The following USP31 variants were observed in gnomAD, a reference collection of about 807,000 sequenced individuals.
USP31 encodes the protein ubiquitin carboxyl-terminal hydrolase 31.
A neutral mutation model predicts 119.4 loss-of-function variants in USP31; 44 were observed. The observed-to-expected ratio is 0.37, with a 90% CI of 0.29 to 0.47. The LOEUF (loss-of-function observed/expected upper bound fraction) is 0.47. Among genes scored for constraint, USP31 ranks in the 20% least tolerant of loss-of-function variants. The pLI is 0.99. For missense variants in USP31, 1,643 were observed against 1,730.2 expected, an observed-to-expected ratio of 0.95 and a Z score of 0.89; for synonymous variants, 749 against 705.6, an observed-to-expected ratio of 1.06 and a Z score of -0.97.
chr16:23,085,750 T>G (rs967291679), intron 9 of USP31, 88 bp from the exon 10 acceptor site: 1 of 1,167,776 alleles, frequency 8.6e-7, no homozygotes. Context: ...CTACCCAAAA[T>G]CATAATTTCA....
intron 1 of USP31, among the ~76,000 whole-genome samples, chr16:23,129,548 G>T (rs567464321): frequency 6.6e-6 from 1 of 152,146 alleles, no homozygotes; most frequent in Non-Finnish European, 1.5e-5. Context: ...AAAGGCAAAG[G>T]TTATACAGAT....
At chr16:23,094,336 C>G (rs1265544315) in intron 6 of USP31, among the ~76,000 whole-genome samples, 6 of 152,322 alleles carry the variant, frequency 3.9e-5, no homozygotes, top group Admixed American at 1.3e-4. Context: ...GTAAACAAAG[C>G]AGCCAGGAAG....
At chr16:23,095,051 C>G (rs1048645975) in intron 6 of USP31, among the ~76,000 whole-genome samples, 23 of 151,924 alleles carry the variant, frequency 1.5e-4, no homozygotes, top group African/African-American at 5.6e-4. Context: ...GTTCTCTGAG[C>G]TAAAGGAGCA....
rs1900043356 is a variant in USP31, at chr16:23,065,817, AAAG to A, written c.*2226_*2228del. The A allele has an allele frequency of 2.6e-5, 4 of 152,228 alleles. No homozygotes were observed. Among genetic ancestry groups the A allele is most frequent in the Admixed American group, 6.5e-5 (1 of 15,280 alleles). 9.4% of individuals were successfully genotyped at this position (152,228 alleles called of 1,614,324 possible). A position where few individuals can be genotyped will look rare whatever the true frequency, so the allele number is the denominator to read the frequency against. On this transcript the variant is annotated 3_prime_UTR_variant, in exon 16 of 16. Transcript: ENST00000219689. Reference sequence around the variant, plus strand: ...TCTATTAATGCTTGACTACAGCAAAAAAGAAGTGTTATTAAAAACCTTTGTCTA... The same window carrying A: ...TCTATTAATGCTTGACTACAGCAAAAAAGTGTTATTAAAAACCTTTGTCTA...
At chr16:23,085,311 A>C (rs1188969789) in intron 10 of USP31, among the ~76,000 whole-genome samples, 3 of 152,212 alleles carry the variant, frequency 2.0e-5, no homozygotes, top group Non-Finnish European at 4.4e-5. Flanking sequence ...GGCCTGTAAT[A>C]AAAATCAAAG....
At chr16:23,113,453 GGA>G (rs1902387431) in intron 1 of USP31, among the ~76,000 whole-genome samples, 1 of 152,136 alleles carries the variant, frequency 6.6e-6, no homozygotes. Flanking sequence ...GTGGCAGCCA[GGA>G]GAGAGAGAGT....
At chr16:23,095,056 G>A (rs559743981) in intron 6 of USP31, among the ~76,000 whole-genome samples, 287 of 152,226 alleles carry the variant, frequency 1.9e-3, no homozygotes, top group African/African-American at 6.7e-3. Flanking sequence ...CTGAGCTAAA[G>A]GAGCATGTTC....
intron 5 of USP31, 126 bp downstream of exon 5, chr16:23,105,307 TCCCTAAAC>T: frequency 8.6e-7 from 1 of 1,165,858 alleles, no homozygotes; most frequent in African/African-American, 1.5e-5. Flanking sequence ...TTGATTTTTT[TCCCTAAAC>T]TCTAAATGCA....
chr16:23,085,751 C>A, intron 9 of USP31, 89 bp from the exon 10 acceptor site: 1 of 1,165,418 alleles, frequency 8.6e-7, no homozygotes, highest in South Asian at 1.4e-5. Flanking sequence ...TACCCAAAAT[C>A]ATAATTTCAG....
chr16:23,143,982 A>T (rs1270944529), intron 1 of USP31, among the ~76,000 whole-genome samples: 1 of 152,202 alleles, frequency 6.6e-6, no homozygotes, highest in Admixed American at 6.5e-5. Context: ...GAAAAGAGAA[A>T]GGATAAAGGT....
At position 23,067,582 on chromosome 16, in the gene USP31, C is replaced by T. The variant is rs1900126562; in HGVS notation, c.*464G>A. ...TCGATTTGTTTCGTTGTTAGAGTCA[C>T]AGTTTTTAGAGCTCCTGGTGCCACC... On this transcript the variant is annotated 3_prime_UTR_variant, in exon 16 of 16. Transcript: ENST00000219689. 2 of 154,564 alleles carry T rather than the reference C, an allele frequency of 1.3e-5. No individual in the cohort carries two copies. Among genetic ancestry groups the T allele is most frequent in the Admixed American group, 1.3e-4 (2 of 15,532 alleles). 9.6% of individuals were successfully genotyped at this position (154,564 alleles called of 1,614,324 possible).
chr16:23,085,045 A>T, intron 10 of USP31, 56 bp from the exon 11 acceptor site: 1 of 1,599,000 alleles, frequency 6.3e-7, no homozygotes. Context: ...CAGAAGGAAA[A>T]ATACAATTAT....
At chr16:23,107,312 A>G (rs1259845824) in intron 2 of USP31, among the ~76,000 whole-genome samples, 2 of 152,202 alleles carry the variant, frequency 1.3e-5, no homozygotes, top group Non-Finnish European at 2.9e-5. Flanking sequence ...TACAAAGATA[A>G]TAAGACCCAG....
At chr16:23,105,700 G>C (rs1296768277) in intron 4 of USP31, 124 bp from the exon 5 acceptor site, 12 of 1,136,642 alleles carry the variant, frequency 1.1e-5, no homozygotes, top group Non-Finnish European at 1.4e-5. Context: ...TTACTCGGAA[G>C]CCCAAATGGA....
Position 23,073,725 on chromosome 16 carries a change from C to T in USP31, c.2332G>A (p.Ala778Thr). Reference sequence around the variant, plus strand: ...CAAGAACAAGAGTGGACCTCACCTGCCACCGAGCTGTTGGCTGACCATGAC... The same window carrying T: ...CAAGAACAAGAGTGGACCTCACCTGTCACCGAGCTGTTGGCTGACCATGAC... ...IPSWSANSSV[A>T]GSTSSSLCEH... Residue 778 changes from alanine (A) to threonine (T), a missense_variant, in exon 14 of 16, where the codon GCA (alanine) becomes ACA (threonine). Around this residue, in one of 5 missense-constraint regions of USP31, gnomAD observed 279 missense variants for 372.2 expected, o/e 0.75. Coordinates refer to ENST00000219689, the MANE Select transcript of USP31 (RefSeq NM_020718.4). 6.2e-7 allele frequency: 1 copy of T among 1,611,418 alleles called. No individual in the cohort carries two copies. Among genetic ancestry groups the T allele is most frequent in the Non-Finnish European group, 8.5e-7 (1 of 1,178,950 alleles).
rs559482988 is a variant in USP31 at position 23,099,376 on chromosome 16, G to A, written c.1234+2943C>T. Among the ~76,000 whole-genome samples, 3 of 152,318 alleles carry A rather than the reference G, an allele frequency of 2.0e-5. 1 individual carries two copies. The East Asian group carries it at 5.8e-4, about 29-fold the overall frequency. Reference sequence around the variant, plus strand: ...ATGCTTTTACACTGTTGGTGGGAGTGTAAATTAGTTCAACCATTGTGGAAG... The same window carrying A: ...ATGCTTTTACACTGTTGGTGGGAGTATAAATTAGTTCAACCATTGTGGAAG... On this transcript the variant is annotated intron_variant, in intron 6 of 15. Transcript: ENST00000219689.
At chr16:23,101,191 G>A (rs1003244600) in intron 6 of USP31, among the ~76,000 whole-genome samples, 1 of 152,180 alleles carries the variant, frequency 6.6e-6, no homozygotes, top group African/African-American at 2.4e-5. Flanking sequence ...AGGCTCAGTT[G>A]GGACTCGCCT....
At position 23,067,894 on chromosome 16, in the gene USP31, GACACACACACGCATACACTCAC is replaced by G. The variant is rs1900144604; in HGVS notation, c.*130_*151del. 4.1e-6 allele frequency: 4 copies of G among 979,682 alleles called. No individual in the cohort carries two copies. The highest frequency in any genetic ancestry group is 5.8e-6 in the Non-Finnish European group (4 of 692,330). 60.7% of individuals were successfully genotyped at this position (979,682 alleles called of 1,614,324 possible). A position where few individuals can be genotyped will look rare whatever the true frequency, so the allele number is the denominator to read the frequency against. On this transcript the variant is annotated 3_prime_UTR_variant, in exon 16 of 16. Transcript: ENST00000219689. ...CTTTGAACAATTTGCAATTGAATTA[GACACACACACGCATACACTCAC>G]ACACACACACACAGTCGGGCACGTG...
intron 1 of USP31, among the ~76,000 whole-genome samples, chr16:23,130,470 T>C (rs1902996069): frequency 6.6e-6 from 1 of 151,004 alleles, no homozygotes; most frequent in Admixed American, 6.6e-5. Context: ...AAACTACCAA[T>C]TAGAAAGGAC....
Sources: gnomAD v4.1 joint callset for allele counts (sites outside exome capture counted in the v4.1 genomes callset) on GRCh38, gnomAD v4.1.1 for gene constraint, gnomAD v4.1.1 regional missense constraint, MANE v1.5 for transcripts, NCBI Gene and HGNC (gene_info 2026-07-23, HGNC 2026-07-21) for gene names.